MAPKAP1: variants seen among roughly 807,000 people sequenced by gnomAD.
The protein encoded by MAPKAP1 is MAPK associated protein 1, also known as target of rapamycin complex 2 subunit MAPKAP1.
In MAPKAP1, 20 loss-of-function variants were observed where a neutral mutation model predicts 65.7. The ratio of observed to expected loss-of-function variants is 0.30; its 90% CI spans 0.21 to 0.44. The LOEUF is 0.44. MAPKAP1 is among the 20% of genes least tolerant of loss of function. The probability of loss-of-function intolerance (pLI) is 1.00; values close to 1 mark genes in which losing one functional copy is unlikely to be tolerated. For missense variants in MAPKAP1, 423 were observed against 648.0 expected (o/e 0.65, Z 3.77); for synonymous variants, 222 against 244.3 (o/e 0.91, Z 0.85).
At chr9:125,600,976 A>G (rs1832283010) in intron 4 of MAPKAP1, among the ~76,000 whole-genome samples, 1 of 152,230 alleles carries the variant, frequency 6.6e-6, no homozygotes, top group African/African-American at 2.4e-5. Context: ...TAAATCATTT[A>G]TATAATAAAA....
intron 5 of MAPKAP1, among the ~76,000 whole-genome samples, chr9:125,563,358 T>C (rs1256337448): frequency 2.0e-5 from 3 of 152,222 alleles, no homozygotes; most frequent in Non-Finnish European, 2.9e-5. Context: ...ACAACTGGTT[T>C]TAATGCTAAC....
At chr9:125,568,867 G>T in intron 5 of MAPKAP1, 1 of 178,862 alleles carries the variant, frequency 5.6e-6, no homozygotes, top group Non-Finnish European at 1.3e-5. Context: ...TTTCTTTCCA[G>T]TCAGATTTCT....
intron 8 of MAPKAP1, among the ~76,000 whole-genome samples, chr9:125,498,913 C>T (rs781747369): frequency 3.3e-5 from 5 of 152,172 alleles, no homozygotes; most frequent in South Asian, 2.1e-4. Context: ...CTCCAAACCT[C>T]GACACCTGTG....
chr9:125,627,306 G>C (rs887885935), intron 4 of MAPKAP1, among the ~76,000 whole-genome samples: 1 of 151,980 alleles, frequency 6.6e-6, no homozygotes, highest in African/African-American at 2.4e-5. Flanking sequence ...CTCTATCTTG[G>C]GCACATTTCC....
At chr9:125,678,027 C>T (rs1326841076) in intron 1 of MAPKAP1, among the ~76,000 whole-genome samples, 1 of 152,066 alleles carries the variant, frequency 6.6e-6, no homozygotes, top group East Asian at 1.9e-4. Context: ...AGGTGATTCT[C>T]CCACCTCAGC....
At chr9:125,634,667 G>A (rs1833374819) in intron 4 of MAPKAP1, among the ~76,000 whole-genome samples, 1 of 152,204 alleles carries the variant, frequency 6.6e-6, no homozygotes, top group African/African-American at 2.4e-5. Flanking sequence ...GTGAAGTTAG[G>A]TATGGATTAA....
chr9:125,706,667 G>C (rs1400011848), intron 1 of MAPKAP1, among the ~76,000 whole-genome samples: 1 of 151,926 alleles, frequency 6.6e-6, no homozygotes, highest in African/African-American at 2.4e-5. Context: ...ACATTATGAA[G>C]ACCAGGGCAC....
chr9:125,500,282 G>C (rs1722633204), intron 8 of MAPKAP1, among the ~76,000 whole-genome samples: 1 of 151,960 alleles, frequency 6.6e-6, no homozygotes, highest in Non-Finnish European at 1.5e-5. Flanking sequence ...CTGCCTCCCG[G>C]GTTCACGCCA....
rs143291024 is a variant in MAPKAP1 at position 125,644,699 on chromosome 9, A to C, written c.498+12952T>G. On this transcript the variant is annotated intron_variant, in intron 4 of 11. Transcript: ENST00000265960. ...ATAGCCTCCCAATATACTCAAGTTAATTACTATTGGAAACTGGTTCTATTT... is the reference window on the plus strand; with the variant it reads ...ATAGCCTCCCAATATACTCAAGTTACTTACTATTGGAAACTGGTTCTATTT... 2.0e-5 allele frequency among the ~76,000 whole-genome samples: 3 copies of C among 152,342 alleles called. No homozygotes were observed. The East Asian group carries it at 5.8e-4, about 29-fold the overall frequency.
intron 1 of MAPKAP1, among the ~76,000 whole-genome samples, chr9:125,693,951 T>C: frequency 6.6e-6 from 1 of 151,878 alleles, no homozygotes; most frequent in African/African-American, 2.4e-5. Flanking sequence ...GAAGTTCCCT[T>C]GAGCCCAGGA....
chr9:125,643,787 T>C (rs972578852), intron 4 of MAPKAP1, among the ~76,000 whole-genome samples: 2 of 152,216 alleles, frequency 1.3e-5, no homozygotes, highest in African/African-American at 2.4e-5. Flanking sequence ...GCTTTTGATA[T>C]ATATCACCAA....
intron 3 of MAPKAP1, among the ~76,000 whole-genome samples, chr9:125,661,901 C>A (rs762043384): frequency 2.0e-5 from 3 of 151,778 alleles, no homozygotes; most frequent in Non-Finnish European, 4.4e-5. Flanking sequence ...AGCAAATGAC[C>A]CAATTTCTTC....
At chr9:125,652,297 A>C (rs1382160031) in intron 4 of MAPKAP1, 1 of 1,169,966 alleles carries the variant, frequency 8.5e-7, no homozygotes, top group East Asian at 5.4e-5. Context: ...TTTAAGGACT[A>C]TCATCCCAAA....
At chr9:125,668,595 T>C (rs1450215425) in intron 3 of MAPKAP1, among the ~76,000 whole-genome samples, 1 of 152,208 alleles carries the variant, frequency 6.6e-6, no homozygotes, top group Admixed American at 6.5e-5. Context: ...AAACATGATA[T>C]AACCACTATA....
At chr9:125,621,197 G>A (rs1832887881) in intron 4 of MAPKAP1, among the ~76,000 whole-genome samples, 1 of 151,998 alleles carries the variant, frequency 6.6e-6, no homozygotes, top group Non-Finnish European at 1.5e-5. Context: ...ACTTGAGCCT[G>A]TGAGGTTGAG....
intron 1 of MAPKAP1, among the ~76,000 whole-genome samples, chr9:125,698,278 AATATATATAAATATAT>A (rs1461926097): frequency 6.0e-3 from 160 of 26,598 alleles, no homozygotes; most frequent in African/African-American, 0.029. Flanking sequence ...TATAATACAT[AATATATATAAATATAT>A]ATATATATAT....
At chr9:125,458,712 G>C (rs895173735) in intron 10 of MAPKAP1, among the ~76,000 whole-genome samples, 1 of 148,928 alleles carries the variant, frequency 6.7e-6, no homozygotes, top group Non-Finnish European at 1.5e-5. Flanking sequence ...ATCCTGGCCT[G>C]TTCTCAATGA....
intron 8 of MAPKAP1, among the ~76,000 whole-genome samples, chr9:125,486,731 G>A (rs1007579073): frequency 6.6e-6 from 1 of 152,078 alleles, no homozygotes; most frequent in Non-Finnish European, 1.5e-5. Flanking sequence ...TTCACTGAGT[G>A]CCTCTGGCAG....
chr9:125,702,976 C>T (rs975995146), intron 1 of MAPKAP1, among the ~76,000 whole-genome samples: 1 of 152,096 alleles, frequency 6.6e-6, no homozygotes, highest in Non-Finnish European at 1.5e-5. Context: ...TGAGCTATTA[C>T]CACGAAACTG....
Sources: gnomAD v4.1 joint callset for allele counts (sites outside exome capture counted in the v4.1 genomes callset) on GRCh38, gnomAD v4.1.1 for gene constraint, MANE v1.5 for transcripts, NCBI Gene and HGNC (gene_info 2026-07-23, HGNC 2026-07-21) for gene names.